The following SLC35F3 variants were observed in gnomAD, a reference collection of about 807,000 sequenced individuals.
SLC35F3 encodes putative thiamine transporter SLC35F3.
Under a neutral mutation model 49.9 loss-of-function variants are expected in SLC35F3, and 25 were observed. That is an observed-to-expected ratio of 0.50 (90% CI 0.37 to 0.70). SLC35F3 has a LOEUF of 0.70. SLC35F3 is among the 30% of genes least tolerant of loss of function. The pLI, the probability that SLC35F3 is intolerant of heterozygous loss-of-function variation, is 0.00. For missense variants in SLC35F3, 525 were observed against 639.8 expected (o/e 0.82, Z 1.94); for synonymous variants, 275 against 265.4 (o/e 1.04, Z -0.35).
At chr1:234,299,782 G>A (rs1162588088) in intron 3 of SLC35F3, among the ~76,000 whole-genome samples, 3 of 125,916 alleles carry the variant, frequency 2.4e-5, no homozygotes, top group African/African-American at 9.5e-5. Context: ...TCCAGCCTGA[G>A]CGATAGAGCA....
chr1:233,984,329 G>T (rs552035098), intron 2 of SLC35F3, among the ~76,000 whole-genome samples: 3 of 152,190 alleles, frequency 2.0e-5, no homozygotes, highest in Non-Finnish European at 4.4e-5. Context: ...GACCAGATAT[G>T]CACACCGAGG....
rs138751027 is a variant in SLC35F3, at chr1:233,933,602, G to C, written c.283+27844G>C. Among the ~76,000 whole-genome samples the C allele has an allele frequency of 3.6e-3, 543 of 152,292 alleles. 3 individuals carry two copies. The highest frequency in any genetic ancestry group is 0.013 in the African/African-American group (523 of 41,564). On this transcript the variant is annotated intron_variant, in intron 2 of 7. Coordinates refer to ENST00000366618, the MANE Select transcript of SLC35F3 (RefSeq NM_173508.4). ...GAACTGGGCTGGGTGTGGTGGCTCA[G>C]TGCTTGGGGAGGCCGAGGCGGGCAG...
chr1:234,055,368 C>G (rs1664442276), intron 2 of SLC35F3, among the ~76,000 whole-genome samples: 1 of 152,214 alleles, frequency 6.6e-6, no homozygotes, highest in African/African-American at 2.4e-5. Flanking sequence ...GGACACCCCT[C>G]TCCCAGACTT....
intron 2 of SLC35F3, among the ~76,000 whole-genome samples, chr1:234,080,259 T>G (rs1009500933): frequency 3.3e-5 from 5 of 152,208 alleles, no homozygotes; most frequent in African/African-American, 1.2e-4. Context: ...GCTGAGAGGT[T>G]GCTGTGCCTG....
At chr1:234,163,787 C>T (rs1378471795) in intron 2 of SLC35F3, among the ~76,000 whole-genome samples, 3 of 152,132 alleles carry the variant, frequency 2.0e-5, no homozygotes, top group Non-Finnish European at 2.9e-5. Flanking sequence ...ACCCTGTGAA[C>T]CTGACTTTGA....
rs1223502426 is a variant in SLC35F3, at chr1:233,957,253, T to C, written c.283+51495T>C. Among the ~76,000 whole-genome samples the C allele has an allele frequency of 1.3e-5, 2 of 152,114 alleles. No homozygotes were observed. Among genetic ancestry groups the C allele is most frequent in the Non-Finnish European group, 2.9e-5 (2 of 67,998 alleles). ...ATTGGATTTTTGAACTGGACTGAAA[T>C]GTACTACTTAAGGAGGCTGAATATA... is the stretch of plus-strand genomic sequence containing the variant. On this transcript the variant is annotated intron_variant, in intron 2 of 7. Coordinates refer to ENST00000366618, the MANE Select transcript of SLC35F3 (RefSeq NM_173508.4). The surrounding 1 kb of genome is among the most constrained non-coding windows in gnomAD (Gnocchi z 4.0).
At chr1:234,253,514 A>G (rs948951371) in intron 3 of SLC35F3, among the ~76,000 whole-genome samples, 11 of 152,046 alleles carry the variant, frequency 7.2e-5, no homozygotes, top group African/African-American at 2.4e-4. Flanking sequence ...TAAAACCTCT[A>G]GAAGGATAAA....
At chr1:234,078,996 A>G (rs1664837081) in intron 2 of SLC35F3, among the ~76,000 whole-genome samples, 1 of 152,248 alleles carries the variant, frequency 6.6e-6, no homozygotes, top group South Asian at 2.1e-4. Flanking sequence ...ATATAGAAAA[A>G]CAAGGGACAC....
intron 2 of SLC35F3, among the ~76,000 whole-genome samples, chr1:233,999,402 T>G (rs9435491): frequency 0.48 from 72,616 of 151,842 alleles, 19,519 homozygotes; most frequent in Non-Finnish European, 0.63. Flanking sequence ...AGCACCACTC[T>G]TATCCTATTT....
chr1:234,089,517 G>A (rs1665009845), intron 2 of SLC35F3, among the ~76,000 whole-genome samples: 1 of 152,234 alleles, frequency 6.6e-6, no homozygotes, highest in Admixed American at 6.5e-5. Flanking sequence ...TCACATCAGT[G>A]TTCAGGCAGG....
intron 2 of SLC35F3, among the ~76,000 whole-genome samples, chr1:234,040,320 G>C (rs149188707): frequency 2.0e-5 from 3 of 152,176 alleles, no homozygotes; most frequent in South Asian, 2.1e-4. Flanking sequence ...GGCACAGAAT[G>C]GGGGAGCAGG....
chr1:234,082,220 A>G (rs965775183), intron 2 of SLC35F3, among the ~76,000 whole-genome samples: 6 of 152,134 alleles, frequency 3.9e-5, no homozygotes, highest in Non-Finnish European at 8.8e-5. Flanking sequence ...TCTGCGGTTC[A>G]TGTTATCTCC....
Position 234,160,260 on chromosome 1 carries a change from C to T in SLC35F3, c.284-71157C>T, listed in dbSNP as rs1252278779. On this transcript the variant is annotated intron_variant, in intron 2 of 7. Coordinates refer to ENST00000366618, the MANE Select transcript of SLC35F3 (RefSeq NM_173508.4). ...AGCACCCCTGCTCTTCTTCCACTGC[C>T]GTTAATGTTGAAGTTTCAGGCCAGC... Among the ~76,000 whole-genome samples, 12 of 152,218 alleles carry T rather than the reference C, an allele frequency of 7.9e-5. No individual in the cohort carries two copies. In the East Asian group the frequency reaches 1.7e-3, roughly 22 times the overall value.
chr1:234,157,300 T>G (rs1666169372), intron 2 of SLC35F3, among the ~76,000 whole-genome samples: 1 of 152,156 alleles, frequency 6.6e-6, no homozygotes, highest in Non-Finnish European at 1.5e-5. Context: ...TCTCATCTCC[T>G]GCAGTCGACT....
At chr1:234,134,373 T>C (rs1216643860) in intron 2 of SLC35F3, among the ~76,000 whole-genome samples, 2 of 148,810 alleles carry the variant, frequency 1.3e-5, no homozygotes, top group South Asian at 2.1e-4. Context: ...TATATAAATA[T>C]AAATTCATTC....
chr1:233,992,246 C>T (rs997956327), intron 2 of SLC35F3, among the ~76,000 whole-genome samples: 1 of 152,170 alleles, frequency 6.6e-6, no homozygotes, highest in African/African-American at 2.4e-5. Context: ...TAAGTGAATG[C>T]TATTTTATCT....
chr1:234,146,435 C>G (rs891456324), intron 2 of SLC35F3, among the ~76,000 whole-genome samples: 1 of 148,136 alleles, frequency 6.8e-6, no homozygotes, highest in African/African-American at 2.5e-5. Flanking sequence ...TTTCTTTGAG[C>G]CTAGCCATTT....
At chr1:233,917,087 C>T (rs1661985263) in intron 2 of SLC35F3, among the ~76,000 whole-genome samples, 1 of 152,104 alleles carries the variant, frequency 6.6e-6, no homozygotes, top group Non-Finnish European at 1.5e-5. Context: ...TAGAAAATAA[C>T]ATAGTGGGAT....
intron 3 of SLC35F3, among the ~76,000 whole-genome samples, chr1:234,281,198 C>T (rs548326359): frequency 6.6e-6 from 1 of 152,224 alleles, no homozygotes; most frequent in Admixed American, 6.5e-5. Context: ...GGTCCTTGGG[C>T]TCTGATCCAG....
Sources: allele counts gnomAD v4.1 joint callset (sites outside exome capture counted in the v4.1 genomes callset), GRCh38; gene constraint gnomAD v4.1.1; non-coding constraint Gnocchi (gnomAD v3.1); transcripts MANE v1.5; gene names NCBI Gene and HGNC (gene_info 2026-07-23, HGNC 2026-07-21).